Variants in RFX2 observed in about 807,000 individuals in gnomAD.
RFX2 encodes the protein regulatory factor X2, also known as DNA-binding protein RFX2.
Under a neutral mutation model 87.8 loss-of-function variants are expected in RFX2, and 20 were observed. The observed-to-expected ratio is 0.23, with a 90% CI of 0.16 to 0.33. The LOEUF is 0.33. Among genes scored for constraint, RFX2 ranks in the 10% least tolerant of loss-of-function variants. The pLI, the probability that RFX2 is intolerant of heterozygous loss-of-function variation, is 1.00. For missense variants in RFX2, 767 were observed against 1,012.3 expected, an observed-to-expected ratio of 0.76 and a Z score of 3.29; for synonymous variants, 397 against 431.3, an observed-to-expected ratio of 0.92 and a Z score of 0.98.
rs1263172810 is a variant in RFX2 at position 6,092,003 on chromosome 19, T to C, written c.-9+18390A>G. 2.0e-5 allele frequency among the ~76,000 whole-genome samples: 3 copies of C among 152,182 alleles called. No homozygotes were observed. The East Asian group carries it at 5.8e-4, about 29-fold the overall frequency. On this transcript the variant is annotated intron_variant, in intron 1 of 17. Transcript: ENST00000303657. Reference sequence around the variant, plus strand: ...AAAGGAGCAGGGAGTTTCTAGAAGATTCTACATCCGGGAGTGGGGGGAGGA... The same window carrying C: ...AAAGGAGCAGGGAGTTTCTAGAAGACTCTACATCCGGGAGTGGGGGGAGGA...
chr19:6,098,347 G>C (rs1370667162), intron 1 of RFX2, among the ~76,000 whole-genome samples: 2 of 152,062 alleles, frequency 1.3e-5, no homozygotes, highest in South Asian at 4.2e-4. Flanking sequence ...CTTGAGAAAT[G>C]GGGGCTCTCC....
chr19:6,058,521 G>A (rs139608569), intron 1 of RFX2, among the ~76,000 whole-genome samples: 4 of 151,990 alleles, frequency 2.6e-5, no homozygotes, highest in Non-Finnish European at 5.9e-5. Context: ...AGAGCAGCAG[G>A]CTTCAATGCA....
At chr19:6,030,056 A>G (rs1040422652) in intron 5 of RFX2, among the ~76,000 whole-genome samples, 1 of 152,242 alleles carries the variant, frequency 6.6e-6, no homozygotes, top group African/African-American at 2.4e-5. Context: ...AGAGGGAGAA[A>G]GTGGTAAAGT....
intron 1 of RFX2, among the ~76,000 whole-genome samples, chr19:6,077,612 T>C (rs1478537992): frequency 1.3e-5 from 2 of 152,238 alleles, no homozygotes; most frequent in African/African-American, 4.8e-5. Context: ...AATGCTTGGA[T>C]ACCAATGTTC....
At position 6,012,653 on chromosome 19, in the gene RFX2, C is replaced by T. The variant is rs944114894; in HGVS notation, c.899+333G>A. Among the ~76,000 whole-genome samples, 3 of 151,662 alleles carry T rather than the reference C, an allele frequency of 2.0e-5. No individual in the cohort carries two copies. Among genetic ancestry groups the T allele is most frequent in the South Asian group, 2.1e-4 (1 of 4,804 alleles). On this transcript the variant is annotated intron_variant, in intron 8 of 17. Coordinates refer to ENST00000303657, the MANE Select transcript of RFX2 (RefSeq NM_000635.4). The surrounding 1 kb of genome is among the most constrained non-coding windows in gnomAD (Gnocchi z 4.6). The stretch of plus-strand genomic sequence containing the variant: ...TGGGGGAGGTGAATGGTGGGAGAGG[C>T]GGTGGGGAGCGGGGCTGGGGGTGTA...
intron 1 of RFX2, among the ~76,000 whole-genome samples, chr19:6,095,909 T>A (rs2088014674): frequency 6.6e-6 from 1 of 152,218 alleles, no homozygotes; most frequent in African/African-American, 2.4e-5. Context: ...GAAATTCACA[T>A]TTCAGCATCC....
In RFX2 at chr19:6,083,705, G is replaced by A. The variant is rs1454147682; in HGVS notation, c.-9+26688C>T. Among the ~76,000 whole-genome samples the A allele has an allele frequency of 6.6e-6, 1 of 151,898 alleles. No individual in the cohort carries two copies. The highest frequency in any genetic ancestry group is 1.9e-4 in the East Asian group (1 of 5,176). ...CTCCTGCTCAGCTTCCCCAGAAGCT[G>A]AGACCACAGGTATGTGCCACCATGC... On this transcript the variant is annotated intron_variant, in intron 1 of 17. Coordinates refer to ENST00000303657, the MANE Select transcript of RFX2 (RefSeq NM_000635.4). The surrounding 1 kb of genome is among the most constrained non-coding windows in gnomAD (Gnocchi z 4.6).
chr19:6,002,639 C>T lies in RFX2; in HGVS notation c.1650+82G>A, dbSNP rs1180675339. The T allele has an allele frequency of 6.4e-6, 10 of 1,551,900 alleles. No homozygotes were observed. The highest frequency in any genetic ancestry group is 1.4e-5 in the African/African-American group (1 of 73,906). On this transcript the variant is annotated intron_variant, in intron 14 of 17. Coordinates refer to ENST00000303657, the MANE Select transcript of RFX2 (RefSeq NM_000635.4). The surrounding 1 kb of genome is among the most constrained non-coding windows in gnomAD (Gnocchi z 6.7). ...GGCTCGGGGCAGGGGCCAGGTTGTG[C>T]CACGGGCTCCACTTGGTGGGTTTGC...
At chr19:6,062,140 C>A (rs2087442556) in intron 1 of RFX2, among the ~76,000 whole-genome samples, 1 of 152,092 alleles carries the variant, frequency 6.6e-6, no homozygotes, top group African/African-American at 2.4e-5. Flanking sequence ...GCCTGGGAGA[C>A]AGAGGAAGAC....
chr19:6,070,849 A>G (rs1459078247), intron 1 of RFX2, among the ~76,000 whole-genome samples: 1 of 152,188 alleles, frequency 6.6e-6, no homozygotes, highest in African/African-American at 2.4e-5. Context: ...CTAGGACTAC[A>G]GGTGCACACC....
intron 1 of RFX2, among the ~76,000 whole-genome samples, chr19:6,095,995 G>C (rs1350650048): frequency 1.3e-5 from 2 of 152,138 alleles, no homozygotes; most frequent in African/African-American, 2.4e-5. Flanking sequence ...AAGCTCCATC[G>C]GGAGAGCTGA....
chr19:6,003,954 C>G (rs545134907), intron 13 of RFX2, among the ~76,000 whole-genome samples: 1 of 152,230 alleles, frequency 6.6e-6, no homozygotes, highest in African/African-American at 2.4e-5. Flanking sequence ...AAGATGAGCA[C>G]AGAAACACGC....
At chr19:6,105,340 G>T (rs2088199041) in intron 1 of RFX2, among the ~76,000 whole-genome samples, 1 of 152,110 alleles carries the variant, frequency 6.6e-6, no homozygotes, top group Non-Finnish European at 1.5e-5. Context: ...AAGAAAGTCG[G>T]AGAGCCAGCC....
intron 5 of RFX2, among the ~76,000 whole-genome samples, chr19:6,033,615 C>CAAAAAA (rs34581899): frequency 1.7e-5 from 1 of 60,422 alleles, no homozygotes; most frequent in African/African-American, 5.8e-5. Flanking sequence ...CCCACCTTTG[C>CAAAAAA]AAAAAAAAAA....
Position 6,016,580 on chromosome 19 carries a change from G to A in RFX2, c.598-309C>T, listed in dbSNP as rs949275694. Among the ~76,000 whole-genome samples the A allele has an allele frequency of 6.6e-6, 1 of 152,004 alleles. No individual in the cohort carries two copies. Among genetic ancestry groups the A allele is most frequent in the South Asian group, 2.1e-4 (1 of 4,812 alleles). Reference sequence around the variant, plus strand: ...TAGTTTTTGTATTTTTAGTAGAGACGGGGTTTCACCATGTTGCCCAGGCTG... The same window carrying A: ...TAGTTTTTGTATTTTTAGTAGAGACAGGGTTTCACCATGTTGCCCAGGCTG... On this transcript the variant is annotated intron_variant, in intron 6 of 17. Coordinates refer to ENST00000303657, the MANE Select transcript of RFX2 (RefSeq NM_000635.4). The surrounding 1 kb of genome is among the most constrained non-coding windows in gnomAD (Gnocchi z 5.4).
Position 6,013,313 on chromosome 19 carries a change from G to T in RFX2, c.780-208C>A, listed in dbSNP as rs2086683742. On this transcript the variant is annotated intron_variant, in intron 7 of 17. Transcript: ENST00000303657. The surrounding 1 kb of genome is among the most constrained non-coding windows in gnomAD (Gnocchi z 4.1). ...AGATTCTCCTGCCTCAGCCTCCCAA[G>T]TAGCTGGGATGACAGGCGTGAGCCA... is the stretch of plus-strand genomic sequence containing the variant. 6.6e-6 allele frequency among the ~76,000 whole-genome samples: 1 copy of T among 151,162 alleles called. No individual in the cohort carries two copies. The highest frequency in any genetic ancestry group is 1.5e-5 in the Non-Finnish European group (1 of 67,826).
chr19:6,000,938 T>G (rs1262032555), intron 15 of RFX2, among the ~76,000 whole-genome samples: 1 of 152,206 alleles, frequency 6.6e-6, no homozygotes, highest in Non-Finnish European at 1.5e-5. Context: ...AAATGCACAT[T>G]TTCCATGTAC....
rs2087487142 is a variant in RFX2, at chr19:6,064,856, G to C, written c.-8-17352C>G. Among the ~76,000 whole-genome samples, 1 of 152,156 alleles carries C rather than the reference G, an allele frequency of 6.6e-6. No homozygotes were observed. The highest frequency in any genetic ancestry group is 1.5e-5 in the Non-Finnish European group (1 of 68,034). On this transcript the variant is annotated intron_variant, in intron 1 of 17. Coordinates refer to ENST00000303657, the MANE Select transcript of RFX2 (RefSeq NM_000635.4). This position sits in a 1 kb window ranked among gnomAD's most constrained non-coding sequence, Gnocchi z 4.8. Reference sequence around the variant, plus strand: ...ATTTGATTCTGGAATTTAAGAAGCGGAGAAAGAGCCTAGTTCAAATTCAAG... The same window carrying C: ...ATTTGATTCTGGAATTTAAGAAGCGCAGAAAGAGCCTAGTTCAAATTCAAG...
chr19:6,089,337 T>G (rs1035690463), intron 1 of RFX2, among the ~76,000 whole-genome samples: 3 of 152,198 alleles, frequency 2.0e-5, no homozygotes, highest in Admixed American at 1.3e-4. Context: ...TGTGGGGTTT[T>G]GGGCAGTCTC....
Sources: gnomAD v4.1 joint callset for allele counts (sites outside exome capture counted in the v4.1 genomes callset) on GRCh38, gnomAD v4.1.1 for gene constraint, Gnocchi (gnomAD v3.1) non-coding constraint, MANE v1.5 for transcripts, NCBI Gene and HGNC (gene_info 2026-07-23, HGNC 2026-07-21) for gene names.